Variants in STARD13 observed in about 807,000 individuals in gnomAD.
The protein encoded by STARD13 is stAR-related lipid transfer protein 13.
A neutral mutation model predicts 106.4 loss-of-function variants in STARD13; 62 were observed. That is an observed-to-expected ratio of 0.58 (90% CI 0.48 to 0.72). The LOEUF is 0.72. Ranked by LOEUF, STARD13 falls within the 30% of genes least tolerant of loss-of-function variation. The pLI, the probability that STARD13 is intolerant of heterozygous loss-of-function variation, is 0.00. For synonymous variants in STARD13, 565 were observed against 553.0 expected, an observed-to-expected ratio of 1.02 and a Z score of -0.31; for missense variants, 1,387 against 1,424.0, an observed-to-expected ratio of 0.97 and a Z score of 0.42.
At chr13:33,631,913 C>A in the STARD13 span, among the ~76,000 whole-genome samples, 1 of 152,132 alleles carries the variant, frequency 6.6e-6, no homozygotes, top group Admixed American at 6.5e-5. Flanking sequence ...TGGTAACACA[C>A]TTCCACTAAA....
intron 3 of STARD13, chr13:33,155,590 A>C (rs1331910815): frequency 6.6e-6 from 1 of 152,222 alleles, no homozygotes; most frequent in Non-Finnish European, 1.5e-5. Context: ...AAGCTTAGGC[A>C]TATAAAAGTC....
At chr13:33,489,188 G>A in the STARD13 span, among the ~76,000 whole-genome samples, 1 of 151,832 alleles carries the variant, frequency 6.6e-6, no homozygotes, top group East Asian at 1.9e-4. Context: ...TCTTCCTCTG[G>A]TCAATGATTA....
chr13:33,160,096 A>T (rs1321541550), intron 3 of STARD13, among the ~76,000 whole-genome samples: 1 of 152,208 alleles, frequency 6.6e-6, no homozygotes, highest in Non-Finnish European at 1.5e-5. Flanking sequence ...AGTAATCAAG[A>T]CAGTGTCACA....
At chr13:33,475,582 G>A in the STARD13 span, among the ~76,000 whole-genome samples, 1 of 152,190 alleles carries the variant, frequency 6.6e-6, no homozygotes, top group East Asian at 1.9e-4. Flanking sequence ...GAGCATCAAG[G>A]TTTTCCTCCC....
chr13:33,266,721 A>G (rs1273102402), intron 1 of STARD13, among the ~76,000 whole-genome samples: 2 of 152,128 alleles, frequency 1.3e-5, no homozygotes, highest in African/African-American at 4.8e-5. Context: ...CATACTTCTA[A>G]GTGCCTGTTT....
chr13:33,531,882 GTTT>G, the STARD13 span, among the ~76,000 whole-genome samples: 1 of 152,046 alleles, frequency 6.6e-6, no homozygotes, highest in Non-Finnish European at 1.5e-5. Flanking sequence ...TTACTCATTT[GTTT>G]TTTATCTCAT....
chr13:33,429,203 A>G, the STARD13 span, among the ~76,000 whole-genome samples: 5 of 152,252 alleles, frequency 3.3e-5, no homozygotes, highest in Admixed American at 6.5e-5. Flanking sequence ...AAATCAGTGT[A>G]TCAAAGAGAT....
chr13:33,163,294 T>C (rs938689092), intron 3 of STARD13, among the ~76,000 whole-genome samples: 1 of 151,856 alleles, frequency 6.6e-6, no homozygotes, highest in African/African-American at 2.4e-5. Flanking sequence ...ATATCAATAA[T>C]GTTATACCTC....
the STARD13 span, among the ~76,000 whole-genome samples, chr13:33,606,108 T>A: frequency 0.012 from 1,852 of 152,280 alleles, 44 homozygotes; most frequent in African/African-American, 0.042. Flanking sequence ...AAAACCAGCC[T>A]GGCCAACATG....
At chr13:33,439,790 T>G in the STARD13 span, 3 of 833,192 alleles carry the variant, frequency 3.6e-6, no homozygotes, top group Non-Finnish European at 5.0e-6. Context: ...AATATTGAGT[T>G]TGAGACAAAA....
chr13:33,452,868 C>T, the STARD13 span, among the ~76,000 whole-genome samples: 1 of 152,162 alleles, frequency 6.6e-6, no homozygotes, highest in African/African-American at 2.4e-5. Flanking sequence ...TTTTCTTCAA[C>T]TATTATATTC....
upstream of STARD13, chr13:33,285,914 CACA>C: frequency 3.6e-6 from 1 of 276,074 alleles, no homozygotes; most frequent in Non-Finnish European, 5.5e-6. Context: ...GGGTCCCTCA[CACA>C]ACGCTGAAAG....
chr13:33,124,692 G>A (rs1290978818), intron 7 of STARD13, among the ~76,000 whole-genome samples: 1 of 148,928 alleles, frequency 6.7e-6, no homozygotes, highest in East Asian at 2.0e-4. Context: ...TGAATAATGT[G>A]TATTCTTAGT....
the STARD13 span, among the ~76,000 whole-genome samples, chr13:33,565,120 C>A: frequency 6.8e-6 from 1 of 146,482 alleles, no homozygotes; most frequent in Admixed American, 7.1e-5. Context: ...GTGAAATGGG[C>A]ACAAAAAGAT....
chr13:33,237,226 T>C (rs1197411711), intron 1 of STARD13, among the ~76,000 whole-genome samples: 2 of 152,202 alleles, frequency 1.3e-5, no homozygotes, highest in African/African-American at 4.8e-5. Context: ...TAGTTCCAGA[T>C]TTCTAACTTC....
intron 1 of STARD13, among the ~76,000 whole-genome samples, chr13:33,216,779 C>T (rs1888069687): frequency 6.6e-6 from 1 of 152,254 alleles, no homozygotes; most frequent in South Asian, 2.1e-4. Context: ...AGGCACCTGA[C>T]AACCATAACT....
chr13:33,117,262 C>G (rs554992347), intron 8 of STARD13, among the ~76,000 whole-genome samples: 1 of 152,296 alleles, frequency 6.6e-6, no homozygotes, highest in Admixed American at 6.5e-5. Context: ...GCACCCGCCA[C>G]CATGCCTGGC....
the STARD13 span, among the ~76,000 whole-genome samples, chr13:33,574,992 C>T: frequency 2.7e-5 from 4 of 148,018 alleles, no homozygotes; most frequent in East Asian, 6.1e-4. Flanking sequence ...TCTTAGCTCA[C>T]TGCAACCTCT....
chr13:33,113,412 C>A (rs995177739), intron 8 of STARD13: 2 of 437,814 alleles, frequency 4.6e-6, no homozygotes, highest in Non-Finnish European at 9.2e-6. Flanking sequence ...CCTCGCCTTG[C>A]GTTTCTCCAC....
Sources: allele counts gnomAD v4.1 joint callset (sites outside exome capture counted in the v4.1 genomes callset), GRCh38; gene constraint gnomAD v4.1.1; transcripts MANE v1.5; gene names NCBI Gene and HGNC (gene_info 2026-07-23, HGNC 2026-07-21).